The following CTNNA2 variants were observed in gnomAD, a reference collection of about 807,000 sequenced individuals.
CTNNA2 encodes the protein catenin alpha 2.
Under a neutral mutation model 101.0 loss-of-function variants are expected in CTNNA2, and 42 were observed. The observed-to-expected ratio is 0.42, with a 90% CI of 0.32 to 0.54. CTNNA2 has a LOEUF of 0.54. Ranked by LOEUF, CTNNA2 falls within the 20% of genes least tolerant of loss-of-function variation. CTNNA2 has a pLI of 0.14. For missense variants in CTNNA2, 871 were observed against 1,223.1 expected, an observed-to-expected ratio of 0.71 and a Z score of 4.29; for synonymous variants, 450 against 456.4, an observed-to-expected ratio of 0.99 and a Z score of 0.18.
rs1239947638 is a variant in CTNNA2, at chr2:79,443,769, A to T, written c.-134-61285A>T. ...GTAGGCAGTTTCTGACCTGGCTCTA[A>T]TGACTCCCACATCCTGATATTATGT... On this transcript the variant is annotated intron_variant, in intron 4 of 21. Coordinates refer to the CTNNA2 transcript ENST00000466387. 3.3e-5 allele frequency among the ~76,000 whole-genome samples: 5 copies of T among 152,138 alleles called. No homozygotes were observed. In the East Asian group the frequency reaches 9.7e-4, roughly 29 times the overall value.
At chr2:79,265,594 A>G (rs1480042644) in intron 2 of CTNNA2, among the ~76,000 whole-genome samples, 1 of 152,212 alleles carries the variant, frequency 6.6e-6, no homozygotes, top group Non-Finnish European at 1.5e-5. Context: ...AATGACATGA[A>G]TACAAAATTC....
chr2:80,034,360 T>C (rs1171620264), intron 7 of CTNNA2, among the ~76,000 whole-genome samples: 3 of 149,200 alleles, frequency 2.0e-5, no homozygotes, highest in Non-Finnish European at 3.0e-5. Context: ...TTTTCTTTTT[T>C]TTTTTTTTTT....
At chr2:79,731,338 T>A (rs1315962454) in intron 2 of CTNNA2, among the ~76,000 whole-genome samples, 2 of 152,096 alleles carry the variant, frequency 1.3e-5, no homozygotes, top group African/African-American at 4.8e-5. Context: ...GGGAGCCCTG[T>A]ACTCTCGAGT....
chr2:79,474,106 T>G (rs550364668), intron 4 of CTNNA2, among the ~76,000 whole-genome samples: 5 of 152,292 alleles, frequency 3.3e-5, no homozygotes, highest in Admixed American at 6.5e-5. Context: ...AAGTAGCAAC[T>G]GTGTTTATAA....
At chr2:79,606,947 C>A (rs879520095) in intron 1 of CTNNA2, among the ~76,000 whole-genome samples, 1 of 152,038 alleles carries the variant, frequency 6.6e-6, no homozygotes, top group Non-Finnish European at 1.5e-5. Context: ...ATCATGTCAA[C>A]GATTACATTG....
At chr2:79,191,955 G>T (rs1364152767) in intron 1 of CTNNA2, among the ~76,000 whole-genome samples, 2 of 152,158 alleles carry the variant, frequency 1.3e-5, no homozygotes, top group Non-Finnish European at 2.9e-5. Context: ...ACCATTCCAT[G>T]GTTGCTGGTC....
chr2:80,035,994 G>A (rs1280189919), intron 7 of CTNNA2, among the ~76,000 whole-genome samples: 1 of 152,236 alleles, frequency 6.6e-6, no homozygotes, highest in African/African-American at 2.4e-5. Context: ...ATGAGCCACA[G>A]CAAGTCTTTT....
At chr2:79,489,744 A>G (rs553939667) in intron 4 of CTNNA2, among the ~76,000 whole-genome samples, 1 of 152,354 alleles carries the variant, frequency 6.6e-6, no homozygotes, top group African/African-American at 2.4e-5. Flanking sequence ...AGGCATGTCT[A>G]TGTTTATGAA....
intron 9 of CTNNA2, among the ~76,000 whole-genome samples, chr2:80,500,045 C>CA (rs1232211673): frequency 6.6e-6 from 1 of 151,676 alleles, no homozygotes; most frequent in East Asian, 1.9e-4. Context: ...AATCCAAATG[C>CA]AAAAAATGTT....
At chr2:79,607,975 G>GTT (rs773071127) in intron 1 of CTNNA2, among the ~76,000 whole-genome samples, 5 of 151,502 alleles carry the variant, frequency 3.3e-5, no homozygotes, top group African/African-American at 1.2e-4. Flanking sequence ...ACAAAGGCAG[G>GTT]TTGTTTTTTT....
chr2:79,605,623 G>T (rs941986162), intron 1 of CTNNA2, among the ~76,000 whole-genome samples: 1 of 152,062 alleles, frequency 6.6e-6, no homozygotes, highest in Admixed American at 6.6e-5. Context: ...GCAATATAAG[G>T]CTAGGCATGG....
In CTNNA2 at chr2:80,181,433, G is replaced by T. The variant is rs528560091; in HGVS notation, c.1057-211778G>T. ...ACACATCCCCATTCCAAGTTGCAGG[G>T]TCCCATTCTTTTCCAATCAATGCCC... On this transcript the variant is annotated intron_variant, in intron 7 of 18. Transcript: ENST00000402739. Among the ~76,000 whole-genome samples, 14 of 152,240 alleles carry T rather than the reference G, an allele frequency of 9.2e-5. No individual in the cohort carries two copies. In the South Asian group the frequency reaches 1.7e-3, roughly 18 times the overall value.
At chr2:80,635,925 G>T (rs1234155593) in intron 18 of CTNNA2, among the ~76,000 whole-genome samples, 6 of 150,440 alleles carry the variant, frequency 4.0e-5, no homozygotes, top group African/African-American at 1.5e-4. Flanking sequence ...TTCTAGAAAG[G>T]GCTTAGAGTA....
chr2:79,667,824 C>T (rs934704613), intron 2 of CTNNA2, among the ~76,000 whole-genome samples: 1 of 152,178 alleles, frequency 6.6e-6, no homozygotes, highest in Non-Finnish European at 1.5e-5. Context: ...CAGGTTTGCA[C>T]AGCAAATTAA....
chr2:80,261,991 G>A (rs1439507172), intron 7 of CTNNA2, among the ~76,000 whole-genome samples: 2 of 152,118 alleles, frequency 1.3e-5, no homozygotes, highest in Non-Finnish European at 2.9e-5. Flanking sequence ...GTGTTGAAGT[G>A]TATTCTGTTA....
chr2:79,813,180 T>C (rs1420697207), intron 3 of CTNNA2, among the ~76,000 whole-genome samples: 1 of 152,188 alleles, frequency 6.6e-6, no homozygotes. Flanking sequence ...TTCTCTAAAA[T>C]CCTGCTTTGC....
chr2:80,532,841 GATTA>G (rs1454129274), intron 9 of CTNNA2, among the ~76,000 whole-genome samples: 1 of 152,054 alleles, frequency 6.6e-6, no homozygotes, highest in African/African-American at 2.4e-5. Context: ...TAGTTACTTT[GATTA>G]ATCAATTAGC....
chr2:79,788,019 C>A (rs1038041715), intron 3 of CTNNA2, among the ~76,000 whole-genome samples: 1 of 152,044 alleles, frequency 6.6e-6, no homozygotes. Flanking sequence ...TAGATGAATG[C>A]GAAAGAAGTT....
intron 9 of CTNNA2, among the ~76,000 whole-genome samples, chr2:80,523,708 C>T (rs1288578220): frequency 6.6e-6 from 1 of 152,134 alleles, no homozygotes; most frequent in Admixed American, 6.5e-5. Flanking sequence ...GTTGTGTTCT[C>T]AGTATATTTC....
Sources: allele counts gnomAD v4.1 joint callset (sites outside exome capture counted in the v4.1 genomes callset), GRCh38; gene constraint gnomAD v4.1.1; transcripts MANE v1.5; gene names NCBI Gene and HGNC (gene_info 2026-07-23, HGNC 2026-07-21).